GAS7: variants seen among roughly 807,000 people sequenced by gnomAD.
The protein encoded by GAS7 is growth arrest specific 7.
A neutral mutation model predicts 71.1 loss-of-function variants in GAS7; 28 were observed. The observed-to-expected ratio is 0.39, with a 90% confidence interval of 0.29 to 0.54. The LOEUF (loss-of-function observed/expected upper bound fraction) is 0.54. GAS7 is among the 20% of genes least tolerant of loss of function. The probability of loss-of-function intolerance (pLI) is 0.62; values close to 1 mark genes in which losing one functional copy is unlikely to be tolerated. For missense variants in GAS7, 436 were observed against 627.8 expected, an observed-to-expected ratio of 0.69 and a Z score of 3.27; for synonymous variants, 258 against 245.8, an observed-to-expected ratio of 1.05 and a Z score of -0.46.
chr17:9,963,824 C>G (rs901771850), intron 4 of GAS7, among the ~76,000 whole-genome samples: 25 of 152,052 alleles, frequency 1.6e-4, no homozygotes, highest in Middle Eastern at 3.4e-3. Flanking sequence ...TTAATGTTTT[C>G]TTAAATATGA....
intron 1 of GAS7, among the ~76,000 whole-genome samples, chr17:10,022,641 C>T (rs1346099870): frequency 6.6e-6 from 1 of 152,128 alleles, no homozygotes; most frequent in Non-Finnish European, 1.5e-5. Flanking sequence ...TGGAAGACGA[C>T]GGAGAGGGTA....
At chr17:10,093,974 G>A (rs999804436) in intron 1 of GAS7, among the ~76,000 whole-genome samples, 1 of 152,194 alleles carries the variant, frequency 6.6e-6, no homozygotes, top group African/African-American at 2.4e-5. Flanking sequence ...AAGAAGCAAA[G>A]ATGTGGGAAC....
At chr17:10,148,909 CAAA>C (rs752140645) in intron 1 of GAS7, among the ~76,000 whole-genome samples, 2 of 117,304 alleles carry the variant, frequency 1.7e-5, no homozygotes, top group African/African-American at 3.2e-5. Flanking sequence ...GACTCCGCCT[CAAA>C]AAAAAAAAAA....
Position 9,981,849 on chromosome 17 carries a change from TC to T in GAS7, c.339del (p.Ile114PhefsTer16). 6.2e-7 allele frequency: 1 copy of T among 1,606,314 alleles called. No individual in the cohort carries two copies. Among genetic ancestry groups the T allele is most frequent in the Non-Finnish European group, 8.5e-7 (1 of 1,172,874 alleles). Reference protein sequence around the residue: ...TTWERPSSSPGIPASPGSHRS... With the variant: ...TTWERPSSSPXIPASPGSHRS... The stretch of plus-strand genomic sequence containing the variant: ...CTGTGAGAGCCAGGGCTGGCTGGAA[TC>T]CCAGGAGAACTGCTGGGACGTTCCC... On this transcript the variant is annotated frameshift_variant, in exon 3 of 14. Coordinates refer to ENST00000432992, the MANE Select transcript of GAS7 (RefSeq NM_201433.2). LOFTEE classifies it high-confidence loss of function. This position sits in a 1 kb window ranked among gnomAD's most constrained non-coding sequence, Gnocchi z 4.4.
chr17:9,981,922 G>A lies in GAS7; in HGVS notation c.305-38C>T, dbSNP rs367768195. ...GAGCAAAGAAAATCACTTTGAGAAT[G>A]TCACAGGGCAGAACCTGAGTTTCAC... On this transcript the variant is annotated intron_variant, in intron 2 of 13. Coordinates refer to ENST00000432992, the MANE Select transcript of GAS7 (RefSeq NM_201433.2). The surrounding 1 kb of genome is among the most constrained non-coding windows in gnomAD (Gnocchi z 4.4). 74 of 1,119,696 alleles carry A rather than the reference G, an allele frequency of 6.6e-5. No individual in the cohort carries two copies. The highest frequency in any genetic ancestry group is 9.7e-5 in the Non-Finnish European group (71 of 729,062). The allele number at this position is 1,119,696 out of a possible 1,614,324, so 69.4% of individuals were successfully genotyped here. A position where few individuals can be genotyped will look rare whatever the true frequency, so the allele number is the denominator to read the frequency against.
intron 1 of GAS7, among the ~76,000 whole-genome samples, chr17:10,109,492 G>C (rs989375626): frequency 6.6e-6 from 1 of 152,194 alleles, no homozygotes; most frequent in Non-Finnish European, 1.5e-5. Context: ...TACACTACTG[G>C]TGGGAATGCA....
chr17:9,913,530 G>GA lies in GAS7; in HGVS notation c.*3697dup, dbSNP rs1394509517. ...TTGGTTTTCACAAAGGGTAGGGAAAGAAACCCCTGGTTGGTGAATTCGTTG... is the reference window on the plus strand; with the variant it reads ...TTGGTTTTCACAAAGGGTAGGGAAAGAAAACCCCTGGTTGGTGAATTCGTTG... On this transcript the variant is annotated 3_prime_UTR_variant, in exon 14 of 14. Coordinates refer to ENST00000432992, the MANE Select transcript of GAS7 (RefSeq NM_201433.2). 1 of 231,978 alleles carries GA rather than the reference G, an allele frequency of 4.3e-6. No individual in the cohort carries two copies. Among genetic ancestry groups the GA allele is most frequent in the Admixed American group, 5.6e-5 (1 of 17,718 alleles). 14.4% of individuals were successfully genotyped at this position (231,978 alleles called of 1,614,324 possible).
At position 10,034,315 on chromosome 17, in the gene GAS7, C is replaced by CAT; in HGVS notation, c.184-14419_184-14418insAT. On this transcript the variant is annotated intron_variant, in intron 1 of 13. Coordinates refer to ENST00000432992, the MANE Select transcript of GAS7 (RefSeq NM_201433.2). This position sits in a 1 kb window ranked among gnomAD's most constrained non-coding sequence, Gnocchi z 4.4. ...ATATATAGCCTAATACTTAATAATT[C>CAT]TTTTTTTTTTTTTTAGACAGTCTTG... 1 of 488,584 alleles carries CAT rather than the reference C, an allele frequency of 2.0e-6. No homozygotes were observed. Among genetic ancestry groups the CAT allele is most frequent in the Non-Finnish European group, 2.6e-6 (1 of 380,404 alleles). 30.3% of individuals were successfully genotyped at this position (488,584 alleles called of 1,614,324 possible).
At chr17:10,174,881 T>C (rs1318337230) in intron 1 of GAS7, among the ~76,000 whole-genome samples, 1 of 152,120 alleles carries the variant, frequency 6.6e-6, no homozygotes, top group Admixed American at 6.6e-5. Flanking sequence ...GGTCTCACTC[T>C]GTCACCCAGG....
intron 1 of GAS7, among the ~76,000 whole-genome samples, chr17:10,109,947 G>A (rs141089262): frequency 8.2e-4 from 125 of 151,956 alleles, no homozygotes; most frequent in Non-Finnish European, 1.5e-3. Context: ...CCAGCTATTC[G>A]GGAGGATGAG....
chr17:9,930,405 G>A (rs945636891), intron 9 of GAS7, among the ~76,000 whole-genome samples: 2 of 152,156 alleles, frequency 1.3e-5, no homozygotes, highest in Admixed American at 1.3e-4. Flanking sequence ...CACAGAGCTT[G>A]TTAGTGACAA....
At chr17:9,958,991 C>A in intron 5 of GAS7, 1 of 1,417,156 alleles carries the variant, frequency 7.1e-7, no homozygotes, top group Non-Finnish European at 9.2e-7. Flanking sequence ...ACTTGTTCAC[C>A]AGGAGAGAAG....
chr17:9,942,229 G>A (rs759511176), intron 7 of GAS7, among the ~76,000 whole-genome samples: 2 of 151,932 alleles, frequency 1.3e-5, no homozygotes, highest in Non-Finnish European at 2.9e-5. Context: ...ACTCCAGCCT[G>A]GATGACAGAG....
At chr17:10,069,800 A>C (rs1202523334) in intron 1 of GAS7, among the ~76,000 whole-genome samples, 1 of 152,242 alleles carries the variant, frequency 6.6e-6, no homozygotes, top group Admixed American at 6.5e-5. Context: ...TGCACTGAAC[A>C]GAAAATTGAT....
intron 1 of GAS7, among the ~76,000 whole-genome samples, chr17:10,188,510 A>C (rs2142151322): frequency 6.6e-6 from 1 of 152,226 alleles, no homozygotes; most frequent in South Asian, 2.1e-4. Flanking sequence ...CCATTTCCTT[A>C]CACCCTGCCA....
intron 1 of GAS7, among the ~76,000 whole-genome samples, chr17:10,082,945 G>A (rs1180116470): frequency 6.6e-6 from 1 of 152,194 alleles, no homozygotes; most frequent in Non-Finnish European, 1.5e-5. Context: ...CTAACCTAGA[G>A]GATAGAAATC....
intron 9 of GAS7, among the ~76,000 whole-genome samples, chr17:9,932,194 C>CA (rs1567789287): frequency 6.0e-5 from 7 of 116,154 alleles, no homozygotes; most frequent in Admixed American, 3.7e-4. Context: ...GTCCCCCCCG[C>CA]TTTTTTTTTT....
intron 9 of GAS7, chr17:9,927,018 C>T: frequency 4.5e-6 from 2 of 439,560 alleles, no homozygotes; most frequent in Non-Finnish European, 8.2e-6. Context: ...GCAACTAGAG[C>T]CTTCTGATTT....
At chr17:10,125,664 G>A (rs929148287) in intron 1 of GAS7, among the ~76,000 whole-genome samples, 1 of 151,934 alleles carries the variant, frequency 6.6e-6, no homozygotes, top group Non-Finnish European at 1.5e-5. Flanking sequence ...GAGGAGGGAG[G>A]AGGGCAGGGT....
Sources: gnomAD v4.1 joint callset for allele counts (sites outside exome capture counted in the v4.1 genomes callset) on GRCh38, gnomAD v4.1.1 for gene constraint, Gnocchi (gnomAD v3.1) non-coding constraint, MANE v1.5 for transcripts, NCBI Gene and HGNC (gene_info 2026-07-23, HGNC 2026-07-21) for gene names.